The following SPATA31E1 variants were observed in gnomAD, a reference collection of about 807,000 sequenced individuals.
SPATA31E1 encodes spermatogenesis-associated protein 31E1.
Under a neutral mutation model 12.9 loss-of-function variants are expected in SPATA31E1, and 7 were observed. That is an observed-to-expected ratio of 0.54 (90% confidence interval 0.31 to 1.02). The LOEUF (loss-of-function observed/expected upper bound fraction) is 1.02, where lower values mean the gene tolerates loss of function less well. Ranked by LOEUF, SPATA31E1 falls within the 50% of genes least tolerant of loss-of-function variation. SPATA31E1 has a pLI of 0.05. For synonymous variants in SPATA31E1, 771 were observed against 719.0 expected (o/e 1.07, Z -1.16); for missense variants, 1,961 against 1,799.8 (o/e 1.09, Z -1.62).
At chr9:87,883,340 G>T (rs1828203256) in intron 1 of SPATA31E1, 140 bp downstream of exon 1, 2 of 1,333,608 alleles carry the variant, frequency 1.5e-6, no homozygotes, top group Non-Finnish European at 2.1e-6. Context: ...AAGGCAGGCA[G>T]GGGTGAGAGT....
Position 87,886,274 on chromosome 9 carries a change from C to T in SPATA31E1, c.1787C>T (p.Thr596Ile). The change falls in exon 4 of 4, where the codon ACT becomes ATT. Residue 596 changes from threonine (T) to isoleucine (I), a missense_variant. Physicochemically the swap from Thr to Ile is moderately conservative, Grantham distance 89. Transcript: ENST00000325643. The stretch of plus-strand genomic sequence containing the variant: ...TCTCAGGCTGTTCTGAGCCAGCCCA[C>T]TGCCCACCTTCCCCAAGAGAGGCCG... ...KKSQAVLSQP[T>I]AHLPQERPAS... is the part of the protein sequence containing the mutation. The T allele has an allele frequency of 6.2e-7, 1 of 1,613,890 alleles. No homozygotes were observed. The highest frequency in any genetic ancestry group is 1.1e-5 in the South Asian group (1 of 91,078).
intron 1 of SPATA31E1, 124 bp from the exon 2 acceptor site, chr9:87,883,868 A>T: frequency 9.6e-7 from 1 of 1,046,696 alleles, no homozygotes. Flanking sequence ...TAAAAAGCAC[A>T]CACAGAGCTC....
rs1408427819 is a variant in SPATA31E1 at position 87,884,020 on chromosome 9, G to T, written c.338G>T (p.Arg113Met). ...EPQRERSGRS[R>M]SRKISALKAC... ...CAAAGGGAGAGAAGCGGGAGGTCCA[G>T]GAGCAGGAAGATCTCAGCTCTGAAA... Residue 113 changes from arginine (R) to methionine (M), a missense_variant, in exon 2 of 4, where the codon AGG (arginine) becomes ATG (methionine). Transcript: ENST00000325643. The T allele has an allele frequency of 6.2e-7, 1 of 1,607,230 alleles. No individual in the cohort carries two copies. Among genetic ancestry groups the T allele is most frequent in the Non-Finnish European group, 8.5e-7 (1 of 1,176,402 alleles).
At position 87,888,605 on chromosome 9, in the gene SPATA31E1, G is replaced by C. The variant is rs1274973600; in HGVS notation, c.4118G>C (p.Arg1373Thr). ...CACCAAGAACGTAGCAGAGAGATGA[G>C]AGCTCTGGCCTGCAGCCCTAAAGCC... The part of the protein sequence containing the change: ...HCHQERSREM[R>T]ALACSPKATP... Residue 1373 changes from arginine to threonine, a missense_variant, in exon 4 of 4, where the codon AGA becomes ACA. Coordinates refer to ENST00000325643, the MANE Select transcript of SPATA31E1 (RefSeq NM_178828.5). The C allele has an allele frequency of 6.2e-7, 1 of 1,613,978 alleles. No homozygotes were observed. The highest frequency in any genetic ancestry group is 1.3e-5 in the African/African-American group (1 of 74,906).
intron 1 of SPATA31E1, among the ~76,000 whole-genome samples, chr9:87,883,588 G>A (rs1173537583): frequency 1.3e-5 from 2 of 152,180 alleles, no homozygotes; most frequent in Admixed American, 1.3e-4. Flanking sequence ...GAGCCTCCCA[G>A]TAGAGCCTGG....
chr9:87,883,213 C>A lies in SPATA31E1; in HGVS notation c.309+13C>A, dbSNP rs568893730. 7 of 1,559,166 alleles carry A rather than the reference C, an allele frequency of 4.5e-6. No homozygotes were observed. The highest frequency in any genetic ancestry group is 2.3e-5 in the East Asian group (1 of 42,938). On this transcript the variant is annotated intron_variant, in intron 1 of 3. Coordinates refer to ENST00000325643, the MANE Select transcript of SPATA31E1 (RefSeq NM_178828.5). ...GAGCAGCAGGGAGGTAAGGAGTCCTCAGCCCAGCCCCACAGAGAAAGATTC... is the reference window on the plus strand; with the variant it reads ...GAGCAGCAGGGAGGTAAGGAGTCCTAAGCCCAGCCCCACAGAGAAAGATTC...
chr9:87,884,227 G>GC (rs1346235289), intron 2 of SPATA31E1, among the ~76,000 whole-genome samples, 181 bp downstream of exon 2: 8 of 152,216 alleles, frequency 5.3e-5, no homozygotes, highest in African/African-American at 1.7e-4. Flanking sequence ...CCATAAGGGG[G>GC]CGGTGTGGGG....
rs1360316105 is a variant in SPATA31E1 at position 87,887,384 on chromosome 9, T to C, written c.2897T>C (p.Leu966Pro). The change falls in exon 4 of 4, where the codon CTT (leucine) becomes CCT (proline). Residue 966 changes from leucine to proline, a missense_variant. By Grantham distance (98) the Leu-to-Pro change is moderately conservative. Transcript: ENST00000325643. The stretch of plus-strand genomic sequence containing the variant: ...TGTTCTCAGCCCCCAACATGCAGCC[T>C]TGTGGGCAGAACCTGGCAGAGCAGG... ...RGCSQPPTCSLVGRTWQSRTV... is the reference protein window; with the variant it reads ...RGCSQPPTCSPVGRTWQSRTV... The C allele has an allele frequency of 2.5e-6, 4 of 1,613,706 alleles. No individual in the cohort carries two copies. The highest frequency in any genetic ancestry group is 2.2e-5 in the East Asian group (1 of 44,846).
chr9:87,886,764 G>A lies in SPATA31E1; in HGVS notation c.2277G>A (p.Glu759=). ...CCACACCCAGGGACCCAGACAAGGAGCATCTGGAAAACAAGCTGCAAATCC... is the reference window on the plus strand; with the variant it reads ...CCACACCCAGGGACCCAGACAAGGAACATCTGGAAAACAAGCTGCAAATCC... ...VSSTPRDPDK[E]HLENKLQIHL... is the part of the protein sequence containing the mutation. The change falls in exon 4 of 4, where the codon GAG becomes GAA. Residue 759 remains glutamate, a synonymous_variant. Transcript: ENST00000325643. 1.2e-6 allele frequency: 2 copies of A among 1,614,052 alleles called. No homozygotes were observed. The highest frequency in any genetic ancestry group is 1.7e-6 in the Non-Finnish European group (2 of 1,180,046).
At position 87,888,559 on chromosome 9, in the gene SPATA31E1, T is replaced by G. The variant is rs574948659; in HGVS notation, c.4072T>G (p.Cys1358Gly). The G allele has an allele frequency of 7.4e-6, 12 of 1,614,050 alleles. No homozygotes were observed. Among genetic ancestry groups the G allele is most frequent in the Non-Finnish European group, 1.0e-5 (12 of 1,180,044 alleles). The change falls in exon 4 of 4, where the codon TGC becomes GGC. Residue 1358 changes from cysteine (C) to glycine (G), a missense_variant. By Grantham distance (159) the Cys-to-Gly change is radical. Transcript: ENST00000325643. ...CCGCGCCCAGGAGAATGTGCCTTCCTGCTGCCACAGGGGTCACTGCCACCA... is the reference window on the plus strand; with the variant it reads ...CCGCGCCCAGGAGAATGTGCCTTCCGGCTGCCACAGGGGTCACTGCCACCA... ...DFRAQENVPSCCHRGHCHQER... is the reference protein window; with the variant it reads ...DFRAQENVPSGCHRGHCHQER...
At position 87,887,526 on chromosome 9, in the gene SPATA31E1, TAGC is replaced by T; in HGVS notation, c.3042_3044del (p.Ser1014del). 1 of 1,613,988 alleles carries T rather than the reference TAGC, an allele frequency of 6.2e-7. No homozygotes were observed. The highest frequency in any genetic ancestry group is 1.1e-5 in the South Asian group (1 of 91,084). On this transcript the variant is annotated inframe_deletion, in exon 4 of 4. Transcript: ENST00000325643. ...GCATGTCCCCAGGAGACCCCTGTAG[TAGC>T]AGAGCCCTGCAAGTGCTCAGCATAG...
At position 87,887,490 on chromosome 9, in the gene SPATA31E1, TGAGA is replaced by T. The variant is rs1828304127; in HGVS notation, c.3005_3008del (p.Glu1002ValfsTer20). 1 of 1,613,574 alleles carries T rather than the reference TGAGA, an allele frequency of 6.2e-7. No individual in the cohort carries two copies. ...AAATGGCTGGGAACGAGGCATGGCT[TGAGA>T]GTGAGAGCATGTCCCCAGGAGACCC... On this transcript the variant is annotated frameshift_variant, in exon 4 of 4. Transcript: ENST00000325643. LOFTEE classifies it low-confidence loss of function (END_TRUNC).
chr9:87,887,114 C>A lies in SPATA31E1; in HGVS notation c.2627C>A (p.Thr876Asn). The A allele has an allele frequency of 3.1e-6, 5 of 1,614,110 alleles. No homozygotes were observed. Among genetic ancestry groups the A allele is most frequent in the Non-Finnish European group, 4.2e-6 (5 of 1,180,022 alleles). The part of the protein sequence containing the change: ...QAPPFPQSTF[T>N]PWASWVSRVE... The stretch of plus-strand genomic sequence containing the variant: ...CCGCCCTTCCCACAATCCACCTTTA[C>A]CCCCTGGGCCTCCTGGGTATCTCGG... Residue 876 changes from threonine to asparagine, a missense_variant, in exon 4 of 4, where the codon ACC becomes AAC. Physicochemically the swap from Thr to Asn is moderately conservative, Grantham distance 65. Coordinates refer to ENST00000325643, the MANE Select transcript of SPATA31E1 (RefSeq NM_178828.5).
At position 87,888,614 on chromosome 9, in the gene SPATA31E1, C is replaced by A. The variant is rs1283812769; in HGVS notation, c.4127C>A (p.Ala1376Asp). Residue 1376 changes from alanine to aspartate, a missense_variant, in exon 4 of 4, where the codon GCC becomes GAC. Coordinates refer to ENST00000325643, the MANE Select transcript of SPATA31E1 (RefSeq NM_178828.5). ...QERSREMRALACSPKATPKGH... is the reference protein window; with the variant it reads ...QERSREMRALDCSPKATPKGH... ...CGTAGCAGAGAGATGAGAGCTCTGG[C>A]CTGCAGCCCTAAAGCCACCCCCAAG... 2.5e-6 allele frequency: 4 copies of A among 1,614,102 alleles called. No homozygotes were observed. Among genetic ancestry groups the A allele is most frequent in the South Asian group, 1.1e-5 (1 of 91,074 alleles).
At position 87,885,388 on chromosome 9, in the gene SPATA31E1, G is replaced by C. The variant is rs755390975; in HGVS notation, c.901G>C (p.Asp301His). 2 of 1,613,798 alleles carry C rather than the reference G, an allele frequency of 1.2e-6. No homozygotes were observed. Among genetic ancestry groups the C allele is most frequent in the Non-Finnish European group, 1.7e-6 (2 of 1,179,876 alleles). ...RVISGLGCSS[D>H]PIWDLYCWRE... ...GATCTCTGGCCTGGGGTGCTCCAGC[G>C]ATCCCATCTGGGACCTCTATTGCTG... Residue 301 changes from aspartate (D) to histidine (H), a missense_variant, in exon 4 of 4, where the codon GAT (aspartate) becomes CAT (histidine). Asp to His is a moderately conservative substitution (Grantham distance 81, BLOSUM62 -1). Transcript: ENST00000325643.
At position 87,886,696 on chromosome 9, in the gene SPATA31E1, G is replaced by GA; in HGVS notation, c.2211dup (p.Gly738ArgfsTer2). 1.2e-6 allele frequency: 2 copies of GA among 1,614,004 alleles called. No homozygotes were observed. The highest frequency in any genetic ancestry group is 2.7e-5 in the African/African-American group (2 of 75,058). ...GGCTCTGGACGAAGACAAGGAGGCAGAAGGTGACTTACGGAGGTCCTGGAA... is the reference window on the plus strand; with the variant it reads ...GGCTCTGGACGAAGACAAGGAGGCAGAAAGGTGACTTACGGAGGTCCTGGAA... On this transcript the variant is annotated frameshift_variant, in exon 4 of 4. Transcript: ENST00000325643. LOFTEE classifies it low-confidence loss of function (END_TRUNC).
chr9:87,887,045 A>G lies in SPATA31E1; in HGVS notation c.2558A>G (p.Gln853Arg). The change falls in exon 4 of 4, where the codon CAG becomes CGG. Residue 853 changes from glutamine (Q) to arginine (R), a missense_variant. Physicochemically the swap from Gln to Arg is conservative, Grantham distance 43. Transcript: ENST00000325643. ...AGGCACAGCTGGGGTACAGACCTCC[A>G]GTCCCTGGAGCCCATAAATGTCTGG... ...CVRHSWGTDL[Q>R]SLEPINVWSG... The G allele has an allele frequency of 6.2e-7, 1 of 1,614,108 alleles. No individual in the cohort carries two copies. Among genetic ancestry groups the G allele is most frequent in the Non-Finnish European group, 8.5e-7 (1 of 1,180,012 alleles).
In SPATA31E1 at chr9:87,888,356, G is replaced by C. The variant is rs989021927; in HGVS notation, c.3869G>C (p.Gly1290Ala). ...CGGTGGGAAGATGTCCTGCAGAAAG[G>C]CAAGCCTGGGGCAGATGCTTTCCAG... is the stretch of plus-strand genomic sequence containing the variant. ...GTRWEDVLQK[G>A]KPGADAFQSW... Residue 1290 changes from glycine to alanine, a missense_variant, in exon 4 of 4, where the codon GGC becomes GCC. Transcript: ENST00000325643. The C allele has an allele frequency of 2.5e-6, 4 of 1,614,036 alleles. No homozygotes were observed. The African/African-American group carries it at 5.3e-5, about 22-fold the overall frequency.
intron 2 of SPATA31E1, 39 bp from the exon 3 acceptor site, chr9:87,884,552 A>G (rs1209090292): frequency 1.2e-6 from 2 of 1,612,472 alleles, no homozygotes; most frequent in Non-Finnish European, 1.7e-6. Context: ...GTTCCCAGGC[A>G]CCGCCCTCTC....
Sources: gnomAD v4.1 joint callset for allele counts (sites outside exome capture counted in the v4.1 genomes callset) on GRCh38, gnomAD v4.1.1 for gene constraint, MANE v1.5 for transcripts, NCBI Gene and HGNC (gene_info 2026-07-23, HGNC 2026-07-21) for gene names.